The following CSGALNACT1 variants were observed in gnomAD, a reference collection of about 807,000 sequenced individuals.
CSGALNACT1 encodes the protein beta4GalNAcT-1.
Under a neutral mutation model 51.0 loss-of-function variants are expected in CSGALNACT1, and 52 were observed. The observed-to-expected ratio is 1.02, with a 90% CI of 0.82 to 1.29. CSGALNACT1 has a LOEUF of 1.29. Ranked by LOEUF, CSGALNACT1 falls within the 50% of genes most tolerant of loss-of-function variation. The pLI, the probability that CSGALNACT1 is intolerant of heterozygous loss-of-function variation, is 0.00. For missense variants in CSGALNACT1, 935 were observed against 679.2 expected (o/e 1.38, Z -4.19); for synonymous variants, 341 against 254.4 (o/e 1.34, Z -3.24).
chr8:19,554,491 T>C (rs1364492676), intron 3 of CSGALNACT1, among the ~76,000 whole-genome samples: 2 of 58,974 alleles, frequency 3.4e-5, no homozygotes, highest in Non-Finnish European at 6.2e-5. Context: ...AGAAATATAC[T>C]ATTAAGTTAC....
At chr8:19,433,715 C>T (rs2059977411) in intron 6 of CSGALNACT1, among the ~76,000 whole-genome samples, 1 of 152,220 alleles carries the variant, frequency 6.6e-6, no homozygotes, top group Non-Finnish European at 1.5e-5. Flanking sequence ...TTGTCCAATG[C>T]ATGTGGCCCA....
intron 5 of CSGALNACT1, 112 bp from the exon 5 acceptor site, chr8:19,440,043 C>T (rs567802576): frequency 5.4e-5 from 46 of 850,348 alleles, no homozygotes; most frequent in East Asian, 5.2e-4. Context: ...ACTAGGTAAA[C>T]TTCCAGGAGA....
chr8:19,507,541 A>T (rs2154002257), intron 3 of CSGALNACT1, among the ~76,000 whole-genome samples: 1 of 151,810 alleles, frequency 6.6e-6, no homozygotes, highest in East Asian at 1.9e-4. Context: ...AAAAAAAAAA[A>T]AAAAAAAAAA....
At chr8:19,701,155 T>TTTTTTTTG (rs2061850190) in intron 1 of CSGALNACT1, among the ~76,000 whole-genome samples, 2 of 134,732 alleles carry the variant, frequency 1.5e-5, no homozygotes, top group South Asian at 2.6e-4. Context: ...TATTATCCGT[T>TTTTTTTTG]TTTTTTTTTT....
chr8:19,624,813 G>A (rs879409280), intron 1 of CSGALNACT1, among the ~76,000 whole-genome samples: 13 of 152,028 alleles, frequency 8.6e-5, no homozygotes, highest in Admixed American at 3.9e-4. Context: ...CAAGTAGCTG[G>A]CATTATAGGC....
rs35177349 is a variant in CSGALNACT1 at position 19,597,285 on chromosome 8, C to CTTTTTTTTTTTTTTTTTTTTTTTTTTTT, written c.-416+4485_-416+4486insAAAAAAAAAAAAAAAAAAAAAAAAAAAA. Among the ~76,000 whole-genome samples the CTTTTTTTTTTTTTTTTTTTTTTTTTTTT allele has an allele frequency of 9.3e-5, 6 of 64,528 alleles. 1 individual carries two copies. The highest frequency in any genetic ancestry group is 4.2e-4 in the African/African-American group (6 of 14,384). 42.3% of individuals were successfully genotyped at this position (64,528 alleles called of 152,430 possible). A position where few individuals can be genotyped will look rare whatever the true frequency, so the allele number is the denominator to read the frequency against. On this transcript the variant is annotated intron_variant, in intron 2 of 9. Coordinates refer to ENST00000454498, the Ensembl canonical transcript of CSGALNACT1. ...GGTTGGGGCTGCCTCTATCTTCTTT[C>CTTTTTTTTTTTTTTTTTTTTTTTTTTTT]TTTTTTTTTTTTTTTTTTTTTTTTT... is the stretch of plus-strand genomic sequence containing the variant.
intron 4 of CSGALNACT1, among the ~76,000 whole-genome samples, chr8:19,463,111 G>A (rs1489896642): frequency 6.6e-6 from 1 of 151,778 alleles, no homozygotes; most frequent in African/African-American, 2.4e-5. Flanking sequence ...TTAGAATAAC[G>A]GCCTCCAGCT....
intron 6 of CSGALNACT1, among the ~76,000 whole-genome samples, chr8:19,436,482 T>C (rs1435050329): frequency 1.3e-5 from 2 of 152,218 alleles, no homozygotes; most frequent in Non-Finnish European, 2.9e-5. Context: ...CATCAGGTAA[T>C]GAATATTAAA....
intron 3 of CSGALNACT1, among the ~76,000 whole-genome samples, chr8:19,558,023 T>G (rs2154092766): frequency 6.6e-6 from 1 of 152,350 alleles, no homozygotes; most frequent in Non-Finnish European, 1.5e-5. Context: ...ATAAATGCCT[T>G]TCTGATTTTA....
intron 4 of CSGALNACT1, among the ~76,000 whole-genome samples, chr8:19,499,371 G>T (rs1027589263): frequency 6.6e-6 from 1 of 152,160 alleles, no homozygotes; most frequent in Non-Finnish European, 1.5e-5. Context: ...ACTCAGCTTT[G>T]TGTGTCTGGG....
chr8:19,543,387 G>A (rs189295208), intron 3 of CSGALNACT1, among the ~76,000 whole-genome samples: 5 of 152,298 alleles, frequency 3.3e-5, no homozygotes, highest in Admixed American at 3.3e-4. Flanking sequence ...CAATGTCTGG[G>A]AACGGGGCTT....
chr8:19,547,053 C>G (rs1161987610), intron 3 of CSGALNACT1, among the ~76,000 whole-genome samples: 2 of 152,210 alleles, frequency 1.3e-5, no homozygotes, highest in African/African-American at 4.8e-5. Flanking sequence ...TCACAGTAGA[C>G]TCTCCTGGGT....
chr8:19,412,862 G>A (rs948428488), intron 8 of CSGALNACT1, among the ~76,000 whole-genome samples: 3 of 152,002 alleles, frequency 2.0e-5, no homozygotes, highest in South Asian at 2.1e-4. Context: ...TACTATCTGG[G>A]CCCTGAGGGC....
intron 1 of CSGALNACT1, among the ~76,000 whole-genome samples, chr8:19,736,123 T>G (rs367675162): frequency 6.7e-4 from 102 of 152,336 alleles, no homozygotes; most frequent in African/African-American, 2.3e-3. Flanking sequence ...CAGCCATCTC[T>G]TCTTGTCTTT....
intron 9 of CSGALNACT1, among the ~76,000 whole-genome samples, chr8:19,408,314 G>C (rs2054768956): frequency 6.6e-6 from 1 of 151,966 alleles, no homozygotes; most frequent in South Asian, 2.1e-4. Flanking sequence ...ATCAGGAACA[G>C]CATTTGATTT....
intron 3 of CSGALNACT1, 40 bp from the exon 3 acceptor site, chr8:19,506,170 C>A (rs1465564044): frequency 3.8e-6 from 2 of 525,314 alleles, no homozygotes; most frequent in African/African-American, 1.9e-5. Context: ...TTAATCAAGA[C>A]AACGACTCCC....
At chr8:19,720,915 G>A (rs892123815) in intron 1 of CSGALNACT1, among the ~76,000 whole-genome samples, 4 of 152,166 alleles carry the variant, frequency 2.6e-5, no homozygotes, top group African/African-American at 9.7e-5. Flanking sequence ...GGTAAGGACG[G>A]CCCTGTGCAG....
chr8:19,717,487 A>G (rs1440429187), intron 1 of CSGALNACT1, among the ~76,000 whole-genome samples: 1 of 152,236 alleles, frequency 6.6e-6, no homozygotes, highest in Non-Finnish European at 1.5e-5. Context: ...GAGACTCCAC[A>G]TGTTCAGCTA....
At chr8:19,425,911 T>C (rs964031145) in intron 6 of CSGALNACT1, among the ~76,000 whole-genome samples, 1 of 152,162 alleles carries the variant, frequency 6.6e-6, no homozygotes, top group Admixed American at 6.5e-5. Context: ...GCCCCTCCTG[T>C]GCCTCGCCGC....
Sources: allele counts gnomAD v4.1 joint callset (sites outside exome capture counted in the v4.1 genomes callset), GRCh38; gene constraint gnomAD v4.1.1; transcripts MANE v1.5; gene names NCBI Gene and HGNC (gene_info 2026-07-23, HGNC 2026-07-21).